FAM76A: variants seen among roughly 807,000 people sequenced by gnomAD.
FAM76A encodes protein FAM76A.
A neutral mutation model predicts 46.2 loss-of-function variants in FAM76A; 32 were observed. The ratio of observed to expected loss-of-function variants is 0.69; its 90% CI spans 0.52 to 0.93. The LOEUF (loss-of-function observed/expected upper bound fraction) is 0.93. Ranked by LOEUF, FAM76A falls within the 40% of genes least tolerant of loss-of-function variation. The pLI is 0.00. For missense variants in FAM76A, 274 were observed against 361.5 expected (o/e 0.76, Z 1.96); for synonymous variants, 137 against 127.0 (o/e 1.08, Z -0.53).
chr1:27,729,040 A>AT (rs139604845), intron 2 of FAM76A, among the ~76,000 whole-genome samples: 10,053 of 150,220 alleles, frequency 0.067, 1,077 homozygotes, highest in African/African-American at 0.23. Flanking sequence ...CAACAAAGTG[A>AT]TTTTTTTTTG....
chr1:27,739,411 T>C (rs374171100), intron 4 of FAM76A: 205 of 512,548 alleles, frequency 4.0e-4, no homozygotes, highest in South Asian at 8.3e-4. Flanking sequence ...CAGGCCAACC[T>C]CGTGGAAATG....
At chr1:27,727,861 G>T (rs1397218110) in intron 2 of FAM76A, among the ~76,000 whole-genome samples, 1 of 125,866 alleles carries the variant, frequency 7.9e-6, no homozygotes, top group Non-Finnish European at 1.6e-5. Flanking sequence ...AGGCTGGAAT[G>T]AAGTGGTATG....
At chr1:27,752,071 G>A (rs2088341947) in intron 6 of FAM76A, among the ~76,000 whole-genome samples, 1 of 152,150 alleles carries the variant, frequency 6.6e-6, no homozygotes, top group African/African-American at 2.4e-5. Context: ...ACCAGACCCA[G>A]CCCCTAAAAT....
chr1:27,749,051 AT>A lies in FAM76A; in HGVS notation c.513-12del. ...TTTGATTTCTAATGTGTGTCTCTCT[AT>A]TTTTGCCATTAAAAGCCAGAAAACA... is the stretch of plus-strand genomic sequence containing the variant. On this transcript the variant is annotated splice_polypyrimidine_tract_variant and intron_variant, in intron 5 of 8. Coordinates refer to ENST00000373954, the MANE Select transcript of FAM76A (RefSeq NM_152660.3). 2.0e-6 allele frequency: 3 copies of A among 1,536,366 alleles called. No homozygotes were observed. The highest frequency in any genetic ancestry group is 2.7e-6 in the Non-Finnish European group (3 of 1,127,790).
chr1:27,760,418 C>G lies in FAM76A; in HGVS notation c.838-77C>G, dbSNP rs992652325. On this transcript the variant is annotated intron_variant, in intron 8 of 8. Coordinates refer to ENST00000373954, the MANE Select transcript of FAM76A (RefSeq NM_152660.3). ...CCCTCCACATTGTCTGCCTTAGCAT[C>G]TGCACTTACTCTGCATGAAAAATAG... The G allele has an allele frequency of 5.9e-6, 7 of 1,183,602 alleles. No homozygotes were observed. The African/African-American group carries it at 1.1e-4, about 18-fold the overall frequency. The allele number at this position is 1,183,602 out of a possible 1,614,324, so 73.3% of individuals were successfully genotyped here.
chr1:27,741,086 C>T (rs918074346), intron 4 of FAM76A, among the ~76,000 whole-genome samples: 1 of 150,490 alleles, frequency 6.6e-6, no homozygotes, highest in African/African-American at 2.5e-5. Flanking sequence ...GAGCCGAGAT[C>T]ACGCCATTGC....
At chr1:27,739,707 G>A (rs2088118160) in intron 4 of FAM76A, among the ~76,000 whole-genome samples, 2 of 152,190 alleles carry the variant, frequency 1.3e-5, no homozygotes, top group Non-Finnish European at 2.9e-5. Context: ...AGGCTCACCT[G>A]AGCCTGGGAA....
intron 6 of FAM76A, among the ~76,000 whole-genome samples, chr1:27,750,064 G>C (rs1571493147): frequency 6.6e-6 from 1 of 152,022 alleles, no homozygotes; most frequent in African/African-American, 2.4e-5. Context: ...CTCCAGGCCT[G>C]GGCATCCTGA....
chr1:27,732,535 T>G, intron 2 of FAM76A, 68 bp from the exon 3 acceptor site: 1 of 1,435,044 alleles, frequency 7.0e-7, no homozygotes, highest in South Asian at 1.3e-5. Context: ...AGCAAATTCC[T>G]TGGGCTTAAG....
chr1:27,759,899 C>T (rs1030152438), intron 8 of FAM76A: 62 of 525,634 alleles, frequency 1.2e-4, no homozygotes, highest in African/African-American at 7.9e-4. Context: ...TTCCAAGTAG[C>T]GAAGACCACA....
chr1:27,756,465 A>G (rs745527315), intron 7 of FAM76A, among the ~76,000 whole-genome samples: 27 of 151,266 alleles, frequency 1.8e-4, no homozygotes, highest in Non-Finnish European at 2.7e-4. Context: ...TAATTTTTCT[A>G]TTTTCAGTAG....
At chr1:27,732,940 G>GTTTTTT (rs896245252) in intron 3 of FAM76A, among the ~76,000 whole-genome samples, 7 of 140,598 alleles carry the variant, frequency 5.0e-5, no homozygotes, top group Non-Finnish European at 4.7e-5. Flanking sequence ...TTTTGTTTTT[G>GTTTTTT]TTTTTTTTTT....
At chr1:27,733,807 G>A (rs908878413) in intron 3 of FAM76A, among the ~76,000 whole-genome samples, 8 of 151,900 alleles carry the variant, frequency 5.3e-5, no homozygotes, top group East Asian at 1.9e-4. Context: ...CTGAGATTGC[G>A]CCACTGCACT....
At chr1:27,751,041 A>G (rs2088323575) in intron 6 of FAM76A, among the ~76,000 whole-genome samples, 2 of 151,882 alleles carry the variant, frequency 1.3e-5, no homozygotes, top group East Asian at 3.9e-4. Context: ...AATTCCAGCT[A>G]CTCAGGAGGC....
At chr1:27,739,242 C>A in intron 4 of FAM76A, 1 of 505,694 alleles carries the variant, frequency 2.0e-6, no homozygotes, top group Non-Finnish European at 4.0e-6. Context: ...GGGGCTGAAG[C>A]ATGTTAGTGA....
rs747784953 is a variant in FAM76A, at chr1:27,727,473, A to C, written c.83A>C (p.Glu28Ala). The change falls in exon 2 of 9, where the codon GAA becomes GCA. Residue 28 changes from glutamate to alanine, a missense_variant and splice_region_variant. Coordinates refer to ENST00000373954, the MANE Select transcript of FAM76A (RefSeq NM_152660.3). Reference protein sequence around the residue: ...ALSQGQQLCKECRIAHPVVKC... With the variant: ...ALSQGQQLCKACRIAHPVVKC... ...AATTATATCCTCATTTCATTTCAGGAATGTCGGATTGCACACCCTGTTGTG... is the reference window on the plus strand; with the variant it reads ...AATTATATCCTCATTTCATTTCAGGCATGTCGGATTGCACACCCTGTTGTG... 2 of 1,613,444 alleles carry C rather than the reference A, an allele frequency of 1.2e-6. No individual in the cohort carries two copies. Among genetic ancestry groups the C allele is most frequent in the African/African-American group, 1.3e-5 (1 of 75,000 alleles).
Position 27,725,994 on chromosome 1 carries a change from C to CTGGG in FAM76A, c.-85_-84insGGTG. ...CCGCCCGCCTGCCGCAGCCAGCAGC[C>CTGGG]TGCAGCCGCCGCCGGGTTGTGCCTC... On this transcript the variant is annotated 5_prime_UTR_variant, in exon 1 of 9. Coordinates refer to ENST00000373954, the MANE Select transcript of FAM76A (RefSeq NM_152660.3). The CTGGG allele has an allele frequency of 9.0e-7, 1 of 1,107,156 alleles. No homozygotes were observed. The highest frequency in any genetic ancestry group is 3.4e-5 in the East Asian group (1 of 29,628). The allele number at this position is 1,107,156 out of a possible 1,614,324, so 68.6% of individuals were successfully genotyped here.
Position 27,740,062 on chromosome 1 carries a change from A to T in FAM76A, c.355-4592A>T, listed in dbSNP as rs56273929. 4.0e-3 allele frequency: 1,620 copies of T among 407,166 alleles called. 15 individuals are homozygous for T. Among genetic ancestry groups the T allele is most frequent in the African/African-American group, 0.023 (1,135 of 48,404 alleles). 25.2% of individuals were successfully genotyped at this position (407,166 alleles called of 1,614,324 possible). ...CTCTGGGTCCACCTGGATGTCATGG[A>T]TGGGCACTTTGTTCCCAACGTCACC... On this transcript the variant is annotated intron_variant, in intron 4 of 8. Transcript: ENST00000373954.
Position 27,734,150 on chromosome 1 carries a change from G to A in FAM76A, c.321G>A (p.Gln107=), listed in dbSNP as rs913655034. The change falls in exon 4 of 9, where the codon CAG becomes CAA. Residue 107 remains glutamine (Q), a synonymous_variant. Transcript: ENST00000373954. ...PPYSCEQCKQ[Q]CAFDRKDDRK... Reference sequence around the variant, plus strand: ...ATTCTTGTGAACAGTGCAAGCAGCAGTGTGCATTTGACAGGAAAGATGATA... The same window carrying A: ...ATTCTTGTGAACAGTGCAAGCAGCAATGTGCATTTGACAGGAAAGATGATA... 1.3e-5 allele frequency: 21 copies of A among 1,591,662 alleles called. No homozygotes were observed. Among genetic ancestry groups the A allele is most frequent in the Non-Finnish European group, 1.8e-5 (21 of 1,172,574 alleles).
Sources: allele counts gnomAD v4.1 joint callset (sites outside exome capture counted in the v4.1 genomes callset), GRCh38; gene constraint gnomAD v4.1.1; transcripts MANE v1.5; gene names NCBI Gene and HGNC (gene_info 2026-07-23, HGNC 2026-07-21).